The following HR variants were observed in gnomAD, a reference collection of about 807,000 sequenced individuals.
The protein encoded by HR is HR lysine demethylase and nuclear receptor corepressor.
Under a neutral mutation model 128.6 loss-of-function variants are expected in HR, and 83 were observed. The ratio of observed to expected loss-of-function variants is 0.65; its 90% CI spans 0.54 to 0.77. HR has a LOEUF of 0.77. HR is among the 30% of genes least tolerant of loss of function. HR has a pLI of 0.00. For synonymous variants in HR, 681 were observed against 658.2 expected, an observed-to-expected ratio of 1.03 and a Z score of -0.53; for missense variants, 1,490 against 1,574.6, an observed-to-expected ratio of 0.95 and a Z score of 0.91.
intron 8 of HR, among the ~76,000 whole-genome samples, chr8:22,121,992 A>G (rs1374600074): frequency 6.6e-6 from 1 of 152,218 alleles, no homozygotes; most frequent in African/African-American, 2.4e-5. Flanking sequence ...GTATTTTCCA[A>G]ATTTTCCACA....
rs763783952 is a variant in HR at position 22,115,724 on chromosome 8, C to T, written c.3546G>A (p.Val1182=). 3.1e-6 allele frequency: 5 copies of T among 1,613,864 alleles called. No individual in the cohort carries two copies. The African/African-American group carries it at 4.0e-5, about 13-fold the overall frequency. ...TCTATTTGGCCTCCTGTAATGTCCCCACGGCCACCTTCACTGCTTGGAACA... is the reference window on the plus strand; with the variant it reads ...TCTATTTGGCCTCCTGTAATGTCCCTACGGCCACCTTCACTGCTTGGAACA... ...WAVFQAVKVA[V]GTLQEAK Residue 1182 remains valine (V), a synonymous_variant, in exon 19 of 19, where the codon GTG becomes GTA. Transcript: ENST00000381418.
In HR at chr8:22,116,222, A is replaced by G. The variant is rs1429534292; in HGVS notation, c.3507+78T>C. The G allele has an allele frequency of 6.3e-7, 1 of 1,598,782 alleles. No homozygotes were observed. The highest frequency in any genetic ancestry group is 8.6e-7 in the Non-Finnish European group (1 of 1,169,206). On this transcript the variant is annotated intron_variant, in intron 18 of 18. Transcript: ENST00000381418. The surrounding 1 kb of genome is among the most constrained non-coding windows in gnomAD (Gnocchi z 4.2). ...TGCTTGGCACAGGGTGGGATCTGCT[A>G]TGTCCACTGCAGCTGTGGCACAGGG... is the stretch of plus-strand genomic sequence containing the variant.
At chr8:22,123,617 T>TGTGGGC in intron 6 of HR, 32 bp downstream of exon 6, 2 of 292,090 alleles carry the variant, frequency 6.8e-6, no homozygotes, top group East Asian at 1.1e-4. Flanking sequence ...GAGGGCTCCA[T>TGTGGGC]CCCGCCCTCC....
intron 8 of HR, among the ~76,000 whole-genome samples, 154 bp from the exon 9 acceptor site, chr8:22,121,848 G>GA (rs1296794627): frequency 1.3e-5 from 2 of 152,154 alleles, no homozygotes; most frequent in Non-Finnish European, 2.9e-5. Context: ...ACATTAGGTG[G>GA]AAAAAAGTTG....
rs759391475 is a variant in HR, at chr8:22,120,856, G to T, written c.2470C>A (p.Leu824Met). The change falls in exon 11 of 19, where the codon CTG (leucine) becomes ATG (methionine). Residue 824 changes from leucine (L) to methionine (M), a missense_variant. Physicochemically the swap from Leu to Met is conservative, Grantham distance 15. Transcript: ENST00000381418. Reference sequence around the variant, plus strand: ...AGGGGCAGGCCCAGGCCCTTGCGCAGACCCGGGCCAGCTCGAAGCCCCGGC... The same window carrying T: ...AGGGGCAGGCCCAGGCCCTTGCGCATACCCGGGCCAGCTCGAAGCCCCGGC... ...LGPGLRAGPG[L>M]RKGLGLPLSP... The T allele has an allele frequency of 3.2e-6, 5 of 1,551,864 alleles. No homozygotes were observed. The South Asian group carries it at 5.9e-5, about 18-fold the overall frequency.
intron 3 of HR, among the ~76,000 whole-genome samples, chr8:22,126,498 C>G (rs1304192271): frequency 6.6e-6 from 1 of 152,226 alleles, no homozygotes; most frequent in Non-Finnish European, 1.5e-5. Context: ...TGGCGCAGGA[C>G]AAGGGATCCT....
intron 3 of HR, 40 bp downstream of exon 3, chr8:22,126,997 C>A (rs762847045): frequency 1.3e-6 from 2 of 1,582,264 alleles, no homozygotes; most frequent in East Asian, 2.2e-5. Flanking sequence ...CCGGCTGCCC[C>A]CTCCCACGCA....
Position 22,116,280 on chromosome 8 carries a change from C to T in HR, c.3507+20G>A. On this transcript the variant is annotated intron_variant, in intron 18 of 18. Transcript: ENST00000381418. This position sits in a 1 kb window ranked among gnomAD's most constrained non-coding sequence, Gnocchi z 4.2. ...AGGCTTGGGTAGCACACCCAGCCTG[C>T]TGGCCCACATCCCACTCACCTGGGC... 6.2e-7 allele frequency: 1 copy of T among 1,611,592 alleles called. No individual in the cohort carries two copies. The highest frequency in any genetic ancestry group is 1.3e-5 in the African/African-American group (1 of 74,986).
Position 22,115,647 on chromosome 8 carries a change from C to T in HR, c.*53G>A. The T allele has an allele frequency of 6.5e-7, 1 of 1,529,310 alleles. No individual in the cohort carries two copies. The highest frequency in any genetic ancestry group is 9.1e-7 in the Non-Finnish European group (1 of 1,103,316). The allele number at this position is 1,529,310 out of a possible 1,614,324, so 94.7% of individuals were successfully genotyped here. On this transcript the variant is annotated 3_prime_UTR_variant, in exon 19 of 19. Transcript: ENST00000381418. Reference sequence around the variant, plus strand: ...ATCCCCTGCTGAAGTTGTGCCTGGGCTGAGCACCTGGTCTACCTGTCCCCA... The same window carrying T: ...ATCCCCTGCTGAAGTTGTGCCTGGGTTGAGCACCTGGTCTACCTGTCCCCA...
rs1295781928 is a variant in HR at position 22,122,578 on chromosome 8, T to C, written c.2036A>G (p.Gln679Arg). ...ALAELSTAMH[Q>R]VWVKFDIRGH... ...CCGGATATCAAACTTGACCCAGACC[T>C]GGTGCATTGCAGTGCTCAGCTCTGC... The change falls in exon 8 of 19, where the codon CAG becomes CGG. Residue 679 changes from glutamine to arginine, a missense_variant. Physicochemically the swap from Gln to Arg is conservative, Grantham distance 43. Around this residue, in one of 3 missense-constraint regions of HR, gnomAD observed 1,060 missense variants for 1,060.9 expected, o/e 1.00. Coordinates refer to ENST00000381418, the MANE Select transcript of HR (RefSeq NM_005144.5). The C allele has an allele frequency of 6.2e-7, 1 of 1,611,310 alleles. No homozygotes were observed. The highest frequency in any genetic ancestry group is 1.1e-5 in the South Asian group (1 of 90,764).
Position 22,129,003 on chromosome 8 carries a change from G to A in HR, c.168C>T (p.Thr56=), listed in dbSNP as rs2131769621. Residue 56 remains threonine, a synonymous_variant, in exon 2 of 19, where the codon ACC becomes ACT. Transcript: ENST00000381418. The stretch of plus-strand genomic sequence containing the variant: ...AGCCAGGGGGAAGCCAGGAGTCTGG[G>A]GTGCTCAGGACGCCCCTCCAAAAGG... ...PAPFWRGVLS[T]PDSWLPPGFP... The A allele has an allele frequency of 6.2e-7, 1 of 1,612,768 alleles. No homozygotes were observed. The highest frequency in any genetic ancestry group is 1.7e-5 in the Admixed American group (1 of 59,976).
chr8:22,118,140 G>A (rs1386199970), intron 16 of HR: 1 of 152,470 alleles, frequency 6.6e-6, no homozygotes, highest in Admixed American at 6.5e-5. Flanking sequence ...GTGGGCAGGA[G>A]GGGTGCACAC....
chr8:22,125,744 A>C lies in HR; in HGVS notation c.1406-12T>G. On this transcript the variant is annotated splice_polypyrimidine_tract_variant and intron_variant, in intron 3 of 18. Coordinates refer to ENST00000381418, the MANE Select transcript of HR (RefSeq NM_005144.5). Reference sequence around the variant, plus strand: ...GCCATCTTGGGGTCCTGAGGGGACAATGCAGAGGTCAGGAATCTGGGTTTC... The same window carrying C: ...GCCATCTTGGGGTCCTGAGGGGACACTGCAGAGGTCAGGAATCTGGGTTTC... 1 of 1,613,380 alleles carries C rather than the reference A, an allele frequency of 6.2e-7. No homozygotes were observed. Among genetic ancestry groups the C allele is most frequent in the Non-Finnish European group, 8.5e-7 (1 of 1,179,936 alleles).
In HR at chr8:22,121,711, C is replaced by T. The variant is rs373958395; in HGVS notation, c.2122-17G>A. On this transcript the variant is annotated splice_polypyrimidine_tract_variant and intron_variant, in intron 8 of 18. Transcript: ENST00000381418. ...TGATTCCTTCTGTTAAACCCATCCA[C>T]CACCCCCCCAATCCAACCAGAGATT... 1.2e-4 allele frequency: 200 copies of T among 1,612,066 alleles called. No individual in the cohort carries two copies. Among genetic ancestry groups the T allele is most frequent in the Non-Finnish European group, 1.6e-4 (183 of 1,178,300 alleles).
intron 13 of HR, 79 bp downstream of exon 13, chr8:22,120,024 GC>G (rs1167522546): frequency 6.4e-7 from 1 of 1,565,462 alleles, no homozygotes; most frequent in African/African-American, 1.3e-5. Context: ...GGGGTTGGGG[GC>G]AGAGGAGGAG....
chr8:22,128,208 G>A (rs1563187504), intron 2 of HR: 1 of 512,976 alleles, frequency 1.9e-6, no homozygotes, highest in African/African-American at 1.9e-5. Context: ...TGGGCCATGG[G>A]GTCCCCTGCA....
chr8:22,115,840 G>A, intron 18 of HR, 78 bp from the exon 19 acceptor site: 4 of 1,408,306 alleles, frequency 2.8e-6, no homozygotes, highest in South Asian at 2.4e-5. Flanking sequence ...TACTTAAAAG[G>A]AATACTCTGG....
chr8:22,122,288 AGG>A (rs1826773096), intron 8 of HR, among the ~76,000 whole-genome samples: 1 of 152,094 alleles, frequency 6.6e-6, no homozygotes, highest in African/African-American at 2.4e-5. Flanking sequence ...CCAGGAAGGC[AGG>A]GGGTGAGGAC....
Position 22,126,416 on chromosome 8 carries a change from G to T in HR, c.1405+621C>A, listed in dbSNP as rs955495800. On this transcript the variant is annotated intron_variant, in intron 3 of 18. Transcript: ENST00000381418. ...AGTGTAGCAAGTGACTCCAGGGTGC[G>T]CCCAGAGCCCTAACACTGGCAGAGT... is the stretch of plus-strand genomic sequence containing the variant. Among the ~76,000 whole-genome samples the T allele has an allele frequency of 3.9e-5, 6 of 152,356 alleles. No homozygotes were observed. The South Asian group carries it at 1.2e-3, about 32-fold the overall frequency.
Sources: gnomAD v4.1 joint callset for allele counts (sites outside exome capture counted in the v4.1 genomes callset) on GRCh38, gnomAD v4.1.1 for gene constraint, gnomAD v4.1.1 regional missense constraint, Gnocchi (gnomAD v3.1) non-coding constraint, MANE v1.5 for transcripts, NCBI Gene and HGNC (gene_info 2026-07-23, HGNC 2026-07-21) for gene names.